NMBR: variants seen among roughly 807,000 people sequenced by gnomAD.
NMBR encodes the protein neuromedin-B receptor.
Under a neutral mutation model 20.5 loss-of-function variants are expected in NMBR, and 16 were observed. The observed-to-expected ratio is 0.78, with a 90% CI of 0.53 to 1.19. The LOEUF is 1.19. NMBR is among the 50% of genes most tolerant of loss of function. The pLI is 0.00. For synonymous variants in NMBR, 212 were observed against 196.6 expected (o/e 1.08, Z -0.65); for missense variants, 582 against 499.1 (o/e 1.17, Z -1.58).
chr6:142,076,002 G>T lies in NMBR; in HGVS notation c.819C>A (p.Gly273=), dbSNP rs977243943. The change falls in exon 4 of 4, where the codon GGC becomes GGA. Residue 273 remains glycine (G), a synonymous_variant. Transcript: ENST00000258042. Reference sequence around the variant, plus strand: ...TTGGAAACCAACAGAAGATGAAACAGCCCACAAAGACAAGCACAATTTTAG... The same window carrying T: ...TTGGAAACCAACAGAAGATGAAACATCCCACAAAGACAAGCACAATTTTAG... The part of the protein sequence containing the change: ...RLAKIVLVFV[G]CFIFCWFPNH... The T allele has an allele frequency of 6.2e-7, 1 of 1,607,374 alleles. No homozygotes were observed. Among genetic ancestry groups the T allele is most frequent in the African/African-American group, 1.3e-5 (1 of 74,472 alleles).
Position 142,078,583 on chromosome 6 carries a change from C to T in NMBR, c.743G>A (p.Gly248Glu). Residue 248 changes from glycine to glutamate, a missense_variant, in exon 3 of 4, where the codon GGA (glycine) becomes GAA (glutamate). By Grantham distance (98) the Gly-to-Glu change is moderately conservative (BLOSUM62 -2). Coordinates refer to ENST00000258042, the MANE Select transcript of NMBR (RefSeq NM_002511.4). The stretch of plus-strand genomic sequence containing the variant: ...TTTTTTGGTATGTTCATTGTATTCT[C>T]CAGGAAGATTGTGTGCGCTTTTAAT... ...TLIKSAHNLP[G>E]EYNEHTKKQM... is the part of the protein sequence containing the mutation. 6.2e-7 allele frequency: 1 copy of T among 1,604,426 alleles called. No homozygotes were observed. The highest frequency in any genetic ancestry group is 8.5e-7 in the Non-Finnish European group (1 of 1,175,232).
intron 1 of NMBR, among the ~76,000 whole-genome samples, chr6:142,100,371 A>G (rs1023183051): frequency 6.6e-6 from 1 of 152,244 alleles, no homozygotes; most frequent in Non-Finnish European, 1.5e-5. Context: ...GATGTTATTC[A>G]GCCCTAAGAA....
At chr6:142,145,500 G>T (rs1002071672) in intron 1 of NMBR, among the ~76,000 whole-genome samples, 1 of 152,144 alleles carries the variant, frequency 6.6e-6, no homozygotes, top group Admixed American at 6.5e-5. Context: ...AAATAATAAT[G>T]ATATGTTCCT....
chr6:142,087,110 G>A (rs371146770), intron 2 of NMBR, among the ~76,000 whole-genome samples: 14 of 152,270 alleles, frequency 9.2e-5, no homozygotes, highest in Non-Finnish European at 1.3e-4. Flanking sequence ...TTAAGAAAGT[G>A]AATCATTTTC....
intron 1 of NMBR, among the ~76,000 whole-genome samples, chr6:142,132,860 T>C (rs1213096236): frequency 6.8e-6 from 1 of 146,234 alleles, no homozygotes; most frequent in African/African-American, 2.4e-5. Flanking sequence ...TTGCTGGCAC[T>C]CCTGGCTGGC....
intron 1 of NMBR, among the ~76,000 whole-genome samples, chr6:142,137,400 G>A (rs2114612445): frequency 6.6e-6 from 1 of 152,306 alleles, no homozygotes; most frequent in Middle Eastern, 3.4e-3. Context: ...TTTGGGCTGA[G>A]ACAATGGGGT....
At chr6:142,094,969 A>G (rs529002926) in intron 1 of NMBR, among the ~76,000 whole-genome samples, 1 of 152,178 alleles carries the variant, frequency 6.6e-6, no homozygotes, top group Non-Finnish European at 1.5e-5. Context: ...TTATTGGTGT[A>G]TAAGAATGCT....
chr6:142,111,992 A>G (rs1298203874), intron 1 of NMBR, among the ~76,000 whole-genome samples: 1 of 152,180 alleles, frequency 6.6e-6, no homozygotes, highest in Non-Finnish European at 1.5e-5. Flanking sequence ...AATTGCCACA[A>G]TACATCTGAT....
chr6:142,089,490 C>T (rs921228131), intron 1 of NMBR, among the ~76,000 whole-genome samples, 169 bp from the exon 2 acceptor site: 3 of 152,250 alleles, frequency 2.0e-5, no homozygotes, highest in Admixed American at 2.0e-4. Flanking sequence ...TGAATTATAA[C>T]GTGTATAACG....
chr6:142,084,806 G>A (rs554146363), intron 2 of NMBR, among the ~76,000 whole-genome samples: 56 of 152,206 alleles, frequency 3.7e-4, no homozygotes, highest in Non-Finnish European at 6.9e-4. Context: ...TAACTATAAC[G>A]CCAACCAGGA....
At chr6:142,106,922 T>C (rs979893983) in intron 1 of NMBR, among the ~76,000 whole-genome samples, 3 of 152,168 alleles carry the variant, frequency 2.0e-5, no homozygotes, top group Non-Finnish European at 4.4e-5. Flanking sequence ...CCAACACACA[T>C]CCTTAAAAAT....
chr6:142,079,968 G>A (rs1777059652), intron 2 of NMBR, among the ~76,000 whole-genome samples: 1 of 152,064 alleles, frequency 6.6e-6, no homozygotes, highest in Non-Finnish European at 1.5e-5. Context: ...ATTCAAAATG[G>A]TATGTAAACC....
intron 1 of NMBR, among the ~76,000 whole-genome samples, chr6:142,104,690 G>A (rs2114583787): frequency 6.6e-6 from 1 of 152,322 alleles, no homozygotes; most frequent in African/African-American, 2.4e-5. Context: ...ACTTAAGACA[G>A]TATGAGACAG....
At chr6:142,123,662 C>T (rs1458840482) in intron 1 of NMBR, among the ~76,000 whole-genome samples, 4 of 151,836 alleles carry the variant, frequency 2.6e-5, no homozygotes, top group Non-Finnish European at 4.4e-5. Context: ...TACATCAAGG[C>T]GAGACCCTCC....
intron 3 of NMBR, among the ~76,000 whole-genome samples, chr6:142,078,149 G>C (rs1164791576): frequency 6.6e-6 from 1 of 152,110 alleles, no homozygotes; most frequent in Non-Finnish European, 1.5e-5. Context: ...GTCCTTTCCT[G>C]ATGCATCCTT....
chr6:142,092,681 G>T (rs1189737116), intron 1 of NMBR, among the ~76,000 whole-genome samples: 1 of 152,154 alleles, frequency 6.6e-6, no homozygotes, highest in Non-Finnish European at 1.5e-5. Flanking sequence ...CTATCTTACT[G>T]CCTAGAGAAA....
chr6:142,127,275 A>G (rs1778057051), intron 1 of NMBR, among the ~76,000 whole-genome samples: 1 of 151,888 alleles, frequency 6.6e-6, no homozygotes, highest in South Asian at 2.1e-4. Context: ...TTTTCTTTAC[A>G]TTCTTGTTGA....
intron 1 of NMBR, among the ~76,000 whole-genome samples, chr6:142,145,264 A>G (rs1365803228): frequency 6.6e-6 from 1 of 152,144 alleles, no homozygotes; most frequent in African/African-American, 2.4e-5. Flanking sequence ...AGGAGGGTGC[A>G]GCCTTCTACC....
chr6:142,118,050 A>G (rs915108844), intron 1 of NMBR, among the ~76,000 whole-genome samples: 3 of 151,964 alleles, frequency 2.0e-5, no homozygotes, highest in Non-Finnish European at 4.4e-5. Context: ...TATTAGATGT[A>G]TATGTCCCTA....
Sources: allele counts gnomAD v4.1 joint callset (sites outside exome capture counted in the v4.1 genomes callset), GRCh38; gene constraint gnomAD v4.1.1; transcripts MANE v1.5; gene names NCBI Gene and HGNC (gene_info 2026-07-23, HGNC 2026-07-21).